The following RTN4 variants were observed in gnomAD, a reference collection of about 807,000 sequenced individuals.
The protein encoded by RTN4 is reticulon-4.
A neutral mutation model predicts 90.4 loss-of-function variants in RTN4; 32 were observed. The ratio of observed to expected loss-of-function variants is 0.35; its 90% CI spans 0.27 to 0.48. RTN4 has a LOEUF of 0.48. RTN4 is among the 20% of genes least tolerant of loss of function. The pLI is 0.99. For missense variants in RTN4, 1,706 were observed against 1,430.2 expected (o/e 1.19, Z -3.11); for synonymous variants, 629 against 552.5 (o/e 1.14, Z -1.94).
intron 1 of RTN4, among the ~76,000 whole-genome samples, chr2:55,033,359 T>C (rs1457219500): frequency 6.6e-6 from 1 of 152,214 alleles, no homozygotes; most frequent in Non-Finnish European, 1.5e-5. Context: ...TGATCCTCAT[T>C]ATTCATGGAT....
Position 55,026,284 on chromosome 2 carries a change from AG to A in RTN4, c.1814del (p.Ala605ValfsTer16). 1 of 1,614,018 alleles carries A rather than the reference AG, an allele frequency of 6.2e-7. No individual in the cohort carries two copies. The highest frequency in any genetic ancestry group is 8.5e-7 in the Non-Finnish European group (1 of 1,179,932). On this transcript the variant is annotated frameshift_variant, in exon 3 of 9. Coordinates refer to ENST00000337526, the MANE Select transcript of RTN4 (RefSeq NM_020532.5). LOFTEE classifies it high-confidence loss of function. ...TGTCAGGCAAAACTGGTGAAGGAGT[AG>A]CTTCTGACTCTTCAAATGATGGGCA... is the stretch of plus-strand genomic sequence containing the variant. ...QLCPSFEESE[A>X]TPSPVLPDIV... is the part of the protein sequence containing the mutation.
upstream of RTN4, among the ~76,000 whole-genome samples, chr2:55,054,353 T>C (rs1288320931): frequency 6.6e-6 from 1 of 152,190 alleles, no homozygotes; most frequent in African/African-American, 2.4e-5. Context: ...AAATATTTGT[T>C]GGGTATACAG....
Position 55,025,244 on chromosome 2 carries a change from G to A in RTN4, c.2855C>T (p.Pro952Leu), listed in dbSNP as rs1681737857. ...GSATSKVLLL[P>L]PDVSALATQA... is the part of the protein sequence containing the mutation. ...AGTGGCCAAAGCAGAAACATCTGGA[G>A]GCAATAAGAGCACCTTTGATGTAGC... Residue 952 changes from proline to leucine, a missense_variant, in exon 3 of 9, where the codon CCT becomes CTT. Transcript: ENST00000337526. 3.7e-6 allele frequency: 6 copies of A among 1,613,722 alleles called. No homozygotes were observed. The highest frequency in any genetic ancestry group is 1.3e-5 in the African/African-American group (1 of 74,882).
At chr2:55,070,667 T>C (rs951893336) in intron 2 of RTN4, among the ~76,000 whole-genome samples, 8 of 152,076 alleles carry the variant, frequency 5.3e-5, no homozygotes, top group African/African-American at 1.2e-4. Context: ...AAAATTGACT[T>C]TGGTTAAAAA....
chr2:55,014,366 A>G (rs935753372), intron 3 of RTN4: 1 of 152,174 alleles, frequency 6.6e-6, no homozygotes, highest in African/African-American at 2.4e-5. Context: ...TTATAATCTA[A>G]AACATACAAA....
rs545543647 is a variant in RTN4, at chr2:54,973,128, G to C, written c.*28C>G. ...TCAAATGAATATCCCCTTTAAAGAT[G>C]AACTCCTACTAATTATTTTGGGCGT... is the stretch of plus-strand genomic sequence containing the variant. On this transcript the variant is annotated 3_prime_UTR_variant, in exon 9 of 9. Coordinates refer to ENST00000337526, the MANE Select transcript of RTN4 (RefSeq NM_020532.5). The C allele has an allele frequency of 6.3e-7, 1 of 1,587,452 alleles. No individual in the cohort carries two copies. Among genetic ancestry groups the C allele is most frequent in the African/African-American group, 1.3e-5 (1 of 74,510 alleles).
intron 1 of RTN4, among the ~76,000 whole-genome samples, chr2:55,035,171 A>G (rs1682591429): frequency 6.6e-6 from 1 of 152,190 alleles, no homozygotes; most frequent in Non-Finnish European, 1.5e-5. Context: ...CCCCACTACC[A>G]ATGAGCTAAA....
chr2:55,107,491 G>A (rs1048969880), intron 1 of RTN4, among the ~76,000 whole-genome samples: 3 of 151,814 alleles, frequency 2.0e-5, no homozygotes, highest in South Asian at 4.2e-4. Context: ...CATTCTCACA[G>A]GGGAAGGCAG....
intron 1 of RTN4, among the ~76,000 whole-genome samples, chr2:55,048,167 C>A (rs923483862): frequency 6.6e-6 from 1 of 152,118 alleles, no homozygotes; most frequent in African/African-American, 2.4e-5. Flanking sequence ...TAACACTGTA[C>A]AAAGGATTAA....
intron 3 of RTN4, among the ~76,000 whole-genome samples, chr2:55,005,092 G>A (rs919681538): frequency 5.9e-5 from 9 of 152,178 alleles, no homozygotes; most frequent in African/African-American, 1.4e-4. Flanking sequence ...AGGGAGTAAT[G>A]ACAGACGAAA....
At chr2:55,013,688 G>A (rs1446581568) in intron 3 of RTN4, among the ~76,000 whole-genome samples, 1 of 151,476 alleles carries the variant, frequency 6.6e-6, no homozygotes, top group Admixed American at 6.6e-5. Context: ...TTAGATTTTA[G>A]AACAGGCAGC....
chr2:55,113,054 C>T (rs1426177523), upstream of RTN4, among the ~76,000 whole-genome samples: 2 of 152,288 alleles, frequency 1.3e-5, no homozygotes, highest in African/African-American at 2.4e-5. Context: ...AGGCCCTGGC[C>T]ACACTGTGAT....
At position 54,973,190 on chromosome 2, in the gene RTN4, G is replaced by C. The variant is rs1277249664; in HGVS notation, c.3545C>G (p.Ala1182Gly). The change falls in exon 9 of 9, where the codon GCA (alanine) becomes GGA (glycine). Residue 1182 changes from alanine to glycine, a missense_variant. Ala to Gly is a moderately conservative substitution (Grantham distance 60). Transcript: ENST00000337526. ...TTTGCGCTTCAATCCAGGGATTTTT[G>C]CTTGGATTCTGAAAATGAAAAAGTC... ...NVKDAMAKIQ[A>G]KIPGLKRKAE The C allele has an allele frequency of 1.9e-6, 3 of 1,602,968 alleles. No homozygotes were observed. Among genetic ancestry groups the C allele is most frequent in the Admixed American group, 3.3e-5 (2 of 59,824 alleles).
In RTN4 at chr2:55,088,922, G is replaced by GTTAT. The variant is rs139755357; in HGVS notation, c.-213-8287_-213-8284dup. On this transcript the variant is annotated intron_variant, in intron 1 of 3. Transcript: ENST00000427710. ...GCCAGACTGACAGCACAAGAATAGG[G>GTTAT]TTATTTATTTATTTATTTATTTATT... is the stretch of plus-strand genomic sequence containing the variant. Among the ~76,000 whole-genome samples the GTTAT allele has an allele frequency of 7.2e-3, 1,095 of 152,004 alleles. 8 individuals are homozygous for GTTAT. Among genetic ancestry groups the GTTAT allele is most frequent in the Middle Eastern group, 0.02 (6 of 294 alleles).
At chr2:55,135,190 T>C in the RTN4 span, among the ~76,000 whole-genome samples, 74 of 145,754 alleles carry the variant, frequency 5.1e-4, no homozygotes, top group Non-Finnish European at 8.0e-4. Flanking sequence ...TTATATTGAT[T>C]ATATGTTTGT....
the RTN4 span, among the ~76,000 whole-genome samples, chr2:55,123,246 G>C: frequency 5.3e-5 from 8 of 152,106 alleles, no homozygotes; most frequent in African/African-American, 1.9e-4. Context: ...TATGACCTCA[G>C]CAAGTTGCAA....
chr2:54,983,303 T>A (rs1240688628), intron 4 of RTN4, among the ~76,000 whole-genome samples: 1 of 148,124 alleles, frequency 6.8e-6, no homozygotes, highest in Non-Finnish European at 1.5e-5. Flanking sequence ...ATTGTTAAAT[T>A]TAAAAGTATT....
chr2:55,064,984 T>C (rs570037331), intron 2 of RTN4, among the ~76,000 whole-genome samples: 1 of 152,066 alleles, frequency 6.6e-6, no homozygotes, highest in Admixed American at 6.6e-5. Context: ...GCATGTGTTA[T>C]ATTATATGTG....
chr2:54,980,682 C>T (rs1678048008), intron 5 of RTN4, among the ~76,000 whole-genome samples: 1 of 152,150 alleles, frequency 6.6e-6, no homozygotes, highest in Middle Eastern at 3.2e-3. Flanking sequence ...TTTGAAGTCA[C>T]CTCTCTCCCC....
Sources: allele counts gnomAD v4.1 joint callset (sites outside exome capture counted in the v4.1 genomes callset), GRCh38; gene constraint gnomAD v4.1.1; transcripts MANE v1.5; gene names NCBI Gene and HGNC (gene_info 2026-07-23, HGNC 2026-07-21).